The following STX7 variants were observed in gnomAD, a reference collection of about 807,000 sequenced individuals.
STX7 encodes the protein syntaxin 7.
A neutral mutation model predicts 39.6 loss-of-function variants in STX7; 34 were observed. The ratio of observed to expected loss-of-function variants is 0.86; its 90% CI spans 0.65 to 1.14. The LOEUF (loss-of-function observed/expected upper bound fraction) is 1.14. Among genes scored for constraint, STX7 ranks in the 50% most tolerant of loss-of-function variants. STX7 has a pLI of 0.00. For missense variants in STX7, 284 were observed against 310.4 expected, an observed-to-expected ratio of 0.92 and a Z score of 0.64; for synonymous variants, 119 against 99.1, an observed-to-expected ratio of 1.20 and a Z score of -1.19.
chr6:132,502,867 C>G (rs896293561), intron 2 of STX7, among the ~76,000 whole-genome samples: 1 of 151,952 alleles, frequency 6.6e-6, no homozygotes. Flanking sequence ...CCACTGCACT[C>G]CAGCCTGGGC....
At chr6:132,509,461 ACAT>A (rs1562343487) in intron 1 of STX7, among the ~76,000 whole-genome samples, 825 of 8,860 alleles carry the variant, frequency 0.093, 110 homozygotes, top group Admixed American at 0.12. Context: ...AAATAACATA[ACAT>A]AACATAACAT....
intron 2 of STX7, among the ~76,000 whole-genome samples, chr6:132,495,032 T>A (rs1054604891): frequency 9.9e-5 from 15 of 151,776 alleles, no homozygotes; most frequent in African/African-American, 3.6e-4. Context: ...ACAGAGGGAG[T>A]GAAGACACCC....
intron 2 of STX7, among the ~76,000 whole-genome samples, chr6:132,502,423 C>T (rs1461906857): frequency 6.6e-6 from 1 of 151,716 alleles, no homozygotes. Context: ...CTAGAATCAC[C>T]CAAGGTATCT....
chr6:132,504,720 C>G (rs915629932), intron 1 of STX7, among the ~76,000 whole-genome samples: 3 of 152,036 alleles, frequency 2.0e-5, no homozygotes, highest in African/African-American at 7.2e-5. Flanking sequence ...GTTAATAATG[C>G]AAACCAACAA....
intron 2 of STX7, among the ~76,000 whole-genome samples, chr6:132,476,503 A>T (rs1774878583): frequency 6.6e-6 from 1 of 152,186 alleles, no homozygotes; most frequent in Admixed American, 6.5e-5. Flanking sequence ...AGGAATTAAA[A>T]TACCCAAAAG....
rs185987510 is a variant in STX7 at position 132,473,584 on chromosome 6, T to C, written c.156-1209A>G. On this transcript the variant is annotated intron_variant, in intron 3 of 9. Coordinates refer to ENST00000367941, the MANE Select transcript of STX7 (RefSeq NM_003569.3). Reference sequence around the variant, plus strand: ...GTTGAATCTGGGGATATATAATCTATGGATACAGAGTGCTGACTACATATC... The same window carrying C: ...GTTGAATCTGGGGATATATAATCTACGGATACAGAGTGCTGACTACATATC... 9.4e-4 allele frequency among the ~76,000 whole-genome samples: 142 copies of C among 150,634 alleles called. 2 individuals carry two copies. The highest frequency in any genetic ancestry group is 9.1e-3 in the Admixed American group (137 of 15,134).
In STX7 at chr6:132,456,482, C is replaced by A. The variant is rs1774246828; in HGVS notation, c.*4276G>T. 6.6e-6 allele frequency: 1 copy of A among 152,130 alleles called. No homozygotes were observed. Among genetic ancestry groups the A allele is most frequent in the Admixed American group, 6.5e-5 (1 of 15,276 alleles). The allele number at this position is 152,130 out of a possible 1,614,324, so 9.4% of individuals were successfully genotyped here. ...TATGCCCAGGCATGTAGTAGCCTGG[C>A]AAAAAGCCGGCCCCAAATAAGTGCC... On this transcript the variant is annotated 3_prime_UTR_variant, in exon 10 of 10. Coordinates refer to ENST00000367941, the MANE Select transcript of STX7 (RefSeq NM_003569.3).
Position 132,513,012 on chromosome 6 carries a change from C to A in STX7, c.-64G>T, listed in dbSNP as rs1775893104. On this transcript the variant is annotated 5_prime_UTR_variant, in exon 1 of 10. Transcript: ENST00000367941. ...CCTCCCCAGGGTCCTCTTACCTGGA[C>A]CTCCACGGCTCCCTCCTACACCTCC... 1 of 152,308 alleles carries A rather than the reference C, an allele frequency of 6.6e-6. No individual in the cohort carries two copies. The highest frequency in any genetic ancestry group is 1.5e-5 in the Non-Finnish European group (1 of 68,092). 9.4% of individuals were successfully genotyped at this position (152,308 alleles called of 1,614,324 possible).
intron 3 of STX7, among the ~76,000 whole-genome samples, chr6:132,474,432 ATAAAT>A (rs147391872): frequency 5.3e-4 from 81 of 152,300 alleles, no homozygotes; most frequent in African/African-American, 1.8e-3. Flanking sequence ...AAAATAAAAT[ATAAAT>A]TAGAGATAAT....
chr6:132,501,604 T>C (rs1330154140), intron 2 of STX7, among the ~76,000 whole-genome samples: 1 of 152,108 alleles, frequency 6.6e-6, no homozygotes, highest in Non-Finnish European at 1.5e-5. Flanking sequence ...CTTCAATCCA[T>C]GTATCTTTCA....
chr6:132,502,178 C>A (rs1775580759), intron 2 of STX7, among the ~76,000 whole-genome samples: 1 of 152,212 alleles, frequency 6.6e-6, no homozygotes, highest in Non-Finnish European at 1.5e-5. Context: ...GCTCCTAAAA[C>A]ACACTAGCAT....
At chr6:132,492,847 T>G (rs1384230828) in intron 2 of STX7, among the ~76,000 whole-genome samples, 5 of 152,204 alleles carry the variant, frequency 3.3e-5, no homozygotes, top group Non-Finnish European at 5.9e-5. Context: ...AGAAAGAGAT[T>G]ATTGAACAAA....
At position 132,462,588 on chromosome 6, in the gene STX7, T is replaced by C. The variant is rs1197575635; in HGVS notation, c.693+1405A>G. On this transcript the variant is annotated intron_variant, in intron 9 of 9. Coordinates refer to ENST00000367941, the MANE Select transcript of STX7 (RefSeq NM_003569.3). ...GACTTCTGGCATTTGCAGGGGTGTG[T>C]GTGTGTGTGTGTGTGTGTGTGTGTG... Among the ~76,000 whole-genome samples, 3 of 132,144 alleles carry C rather than the reference T, an allele frequency of 2.3e-5. No homozygotes were observed. In the South Asian group the frequency reaches 7.3e-4, roughly 32 times the overall value. 86.7% of individuals were successfully genotyped at this position (132,144 alleles called of 152,430 possible).
rs115355709 is a variant in STX7, at chr6:132,507,831, T to G, written c.-58-4243A>C. Among the ~76,000 whole-genome samples the G allele has an allele frequency of 5.5e-3, 839 of 152,370 alleles. 8 individuals are homozygous for G. The highest frequency in any genetic ancestry group is 0.019 in the African/African-American group (802 of 41,592). On this transcript the variant is annotated intron_variant, in intron 1 of 9. Transcript: ENST00000367941. ...GAATGAAAAAATGTTCAGTTTGTTA[T>G]TCATGTAATCTCTGGGGATGCTCCT... is the stretch of plus-strand genomic sequence containing the variant.
chr6:132,461,782 T>C (rs1774410262), intron 9 of STX7: 1 of 1,484,226 alleles, frequency 6.7e-7, no homozygotes, highest in East Asian at 2.5e-5. Flanking sequence ...AGAATTTTGT[T>C]CCGTTCTTCA....
At chr6:132,509,536 A>T (rs1490598018) in intron 1 of STX7, among the ~76,000 whole-genome samples, 2 of 151,588 alleles carry the variant, frequency 1.3e-5, no homozygotes, top group African/African-American at 4.8e-5. Context: ...AGACAAAAGA[A>T]AAACCAAATT....
In STX7 at chr6:132,449,428, G is replaced by T. The variant is rs1774093619; in HGVS notation, c.*11330C>A. The T allele has an allele frequency of 6.6e-6, 1 of 152,070 alleles. No individual in the cohort carries two copies. The highest frequency in any genetic ancestry group is 1.5e-5 in the Non-Finnish European group (1 of 68,020). The allele number at this position is 152,070 out of a possible 1,614,324, so 9.4% of individuals were successfully genotyped here. ...TTACAGGCATAAGCCACCATACCAG[G>T]TCCCAGGCTTTTCTTAGCTCTGGAA... On this transcript the variant is annotated 3_prime_UTR_variant, in exon 10 of 10. Coordinates refer to ENST00000367941, the MANE Select transcript of STX7 (RefSeq NM_003569.3).
In STX7 at chr6:132,504,028, C is replaced by T. The variant is rs183629846; in HGVS notation, c.-58-440G>A. On this transcript the variant is annotated intron_variant, in intron 1 of 9. Transcript: ENST00000367941. ...ATTTAAATATTTATTAAATGGAACA[C>T]AGACTTCAGGCTATCCCCAGAAATT... Among the ~76,000 whole-genome samples, 199 of 152,274 alleles carry T rather than the reference C, an allele frequency of 1.3e-3. 1 individual carries two copies. Among genetic ancestry groups the T allele is most frequent in the Non-Finnish European group, 2.3e-3 (154 of 68,008 alleles).
rs918383002 is a variant in STX7, at chr6:132,454,707, A to G, written c.*6051T>C. The stretch of plus-strand genomic sequence containing the variant: ...AAAAATGTTTGACCACAGATCAGGA[A>G]AAGACATAAGGACAATAGGGTAGCC... On this transcript the variant is annotated 3_prime_UTR_variant, in exon 10 of 10. Transcript: ENST00000367941. 1 of 152,190 alleles carries G rather than the reference A, an allele frequency of 6.6e-6. No homozygotes were observed. Among genetic ancestry groups the G allele is most frequent in the African/African-American group, 2.4e-5 (1 of 41,462 alleles). The allele number at this position is 152,190 out of a possible 1,614,324, so 9.4% of individuals were successfully genotyped here. A position where few individuals can be genotyped will look rare whatever the true frequency, so the allele number is the denominator to read the frequency against.
Sources: gnomAD v4.1 joint callset for allele counts (sites outside exome capture counted in the v4.1 genomes callset) on GRCh38, gnomAD v4.1.1 for gene constraint, MANE v1.5 for transcripts, NCBI Gene and HGNC (gene_info 2026-07-23, HGNC 2026-07-21) for gene names.